EXOC6B: variants seen among roughly 807,000 people sequenced by gnomAD.
The protein encoded by EXOC6B is exocyst complex component 6B, also known as SEC15 homolog B.
A neutral mutation model predicts 113.5 loss-of-function variants in EXOC6B; 54 were observed. That is an observed-to-expected ratio of 0.48 (90% CI 0.38 to 0.60). The LOEUF (loss-of-function observed/expected upper bound fraction) is 0.60. Ranked by LOEUF, EXOC6B falls within the 20% of genes least tolerant of loss-of-function variation. The pLI is 0.00. For synonymous variants in EXOC6B, 357 were observed against 339.0 expected, an observed-to-expected ratio of 1.05 and a Z score of -0.58; for missense variants, 797 against 977.5, an observed-to-expected ratio of 0.82 and a Z score of 2.46.
intron 7 of EXOC6B, among the ~76,000 whole-genome samples, chr2:72,568,710 C>T (rs531913634): frequency 7.2e-5 from 11 of 151,778 alleles, no homozygotes; most frequent in African/African-American, 1.7e-4. Flanking sequence ...TTTTAAAAGA[C>T]GCTATTACAG....
intron 18 of EXOC6B, chr2:72,462,644 C>T (rs1339129384): frequency 6.6e-6 from 1 of 152,038 alleles, no homozygotes; most frequent in Non-Finnish European, 1.5e-5. Flanking sequence ...TTATCAGACA[C>T]TGAATCTGCT....
chr2:72,482,814 C>G (rs1337467478), intron 16 of EXOC6B, among the ~76,000 whole-genome samples: 1 of 152,166 alleles, frequency 6.6e-6, no homozygotes, highest in Non-Finnish European at 1.5e-5. Context: ...GTACCTTCTA[C>G]TCCACTAAGG....
At chr2:72,515,446 G>T in intron 8 of EXOC6B, 1 of 1,107,272 alleles carries the variant, frequency 9.0e-7, no homozygotes, top group Non-Finnish European at 1.1e-6. Flanking sequence ...CTTTCCATAA[G>T]TTATGATAAC....
intron 2 of EXOC6B, among the ~76,000 whole-genome samples, chr2:72,740,370 C>T (rs188685142): frequency 6.6e-6 from 1 of 152,216 alleles, no homozygotes; most frequent in Admixed American, 6.5e-5. Context: ...ACTTACAGAT[C>T]ATATGAGGAG....
chr2:72,341,234 A>G (rs1689017339), intron 19 of EXOC6B, among the ~76,000 whole-genome samples: 1 of 152,184 alleles, frequency 6.6e-6, no homozygotes. Flanking sequence ...TTGTGCCTAT[A>G]ATGAACAATA....
At chr2:72,474,587 AG>A (rs1373684228) in intron 17 of EXOC6B, among the ~76,000 whole-genome samples, 1 of 152,068 alleles carries the variant, frequency 6.6e-6, no homozygotes, top group African/African-American at 2.4e-5. Context: ...TAAATTCTTC[AG>A]TTCCATAATT....
intron 20 of EXOC6B, among the ~76,000 whole-genome samples, chr2:72,260,127 T>C (rs941033807): frequency 2.6e-5 from 4 of 152,102 alleles, no homozygotes; most frequent in African/African-American, 7.2e-5. Flanking sequence ...GTAGCAGTGA[T>C]TGAGCTCCCT....
intron 1 of EXOC6B, among the ~76,000 whole-genome samples, chr2:72,749,954 T>C (rs1158542553): frequency 6.6e-6 from 1 of 151,746 alleles, no homozygotes; most frequent in Non-Finnish European, 1.5e-5. Context: ...TGTAGATGTA[T>C]ATGTTATGTA....
chr2:72,537,626 C>A (rs1702373988), intron 8 of EXOC6B, among the ~76,000 whole-genome samples: 1 of 151,988 alleles, frequency 6.6e-6, no homozygotes, highest in Admixed American at 6.6e-5. Context: ...GAGTGAGACC[C>A]TTTCTCAAAA....
intron 20 of EXOC6B, chr2:72,288,916 G>T: frequency 4.5e-6 from 1 of 223,022 alleles, no homozygotes; most frequent in Non-Finnish European, 9.1e-6. Context: ...GAAAATTATT[G>T]TGAACCTCAC....
intron 10 of EXOC6B, among the ~76,000 whole-genome samples, chr2:72,514,095 T>C (rs1249697900): frequency 6.6e-6 from 1 of 152,130 alleles, no homozygotes; most frequent in Non-Finnish European, 1.5e-5. Context: ...GGTGGCAAAC[T>C]ATATAGCCTA....
intron 20 of EXOC6B, among the ~76,000 whole-genome samples, chr2:72,223,886 A>G (rs1303572410): frequency 1.3e-5 from 2 of 152,180 alleles, no homozygotes; most frequent in Non-Finnish European, 2.9e-5. Flanking sequence ...TTTCCCAGCT[A>G]GTTGGTGAAC....
Position 72,649,008 on chromosome 2 carries a change from T to G in EXOC6B, c.669+69095A>C, listed in dbSNP as rs562034981. ...ATTTAAAATTAGCCAAGCATGGTAG[T>G]GCACACCTGTAGTCCCAGCTACTCA... On this transcript the variant is annotated intron_variant, in intron 6 of 21. Transcript: ENST00000272427. Among the ~76,000 whole-genome samples, 113 of 152,218 alleles carry G rather than the reference T, an allele frequency of 7.4e-4. 1 individual carries two copies. Among genetic ancestry groups the G allele is most frequent in the African/African-American group, 2.4e-3 (100 of 41,528 alleles).
intron 17 of EXOC6B, among the ~76,000 whole-genome samples, chr2:72,475,308 T>C (rs569789031): frequency 1.3e-5 from 2 of 152,266 alleles, no homozygotes; most frequent in East Asian, 3.9e-4. Context: ...GCCAGCTTGA[T>C]GTGAATGATG....
intron 19 of EXOC6B, among the ~76,000 whole-genome samples, chr2:72,349,671 T>A (rs1183131989): frequency 6.6e-6 from 1 of 152,198 alleles, no homozygotes; most frequent in African/African-American, 2.4e-5. Context: ...TCTCCCCACC[T>A]CAGCCAAGCC....
At chr2:72,602,848 G>C (rs1421656933) in intron 6 of EXOC6B, among the ~76,000 whole-genome samples, 1 of 152,104 alleles carries the variant, frequency 6.6e-6, no homozygotes, top group East Asian at 1.9e-4. Context: ...CAGTATACTT[G>C]GATCTGAATG....
intron 6 of EXOC6B, among the ~76,000 whole-genome samples, chr2:72,624,368 G>A (rs1247999630): frequency 3.9e-5 from 6 of 151,928 alleles, no homozygotes; most frequent in Admixed American, 1.3e-4. Context: ...CAAAGTGTTG[G>A]GATTATAAGC....
At chr2:72,671,822 G>A (rs569699982) in intron 6 of EXOC6B, among the ~76,000 whole-genome samples, 43 of 127,514 alleles carry the variant, frequency 3.4e-4, no homozygotes, top group African/African-American at 1.3e-3. Flanking sequence ...AAAGAAAGAA[G>A]AGAAAAGAAA....
chr2:72,463,012 T>G lies in EXOC6B; in HGVS notation c.1980+2148A>C, dbSNP rs186519597. 1.8e-4 allele frequency: 27 copies of G among 152,204 alleles called. No homozygotes were observed. The East Asian group carries it at 3.9e-3, about 22-fold the overall frequency. 9.4% of individuals were successfully genotyped at this position (152,204 alleles called of 1,614,324 possible). On this transcript the variant is annotated intron_variant, in intron 18 of 21. Coordinates refer to ENST00000272427, the MANE Select transcript of EXOC6B (RefSeq NM_015189.3). ...TTTTAAATCAAGAATGTAGCCTGGA[T>G]GTAATAAAATGTCTTTCTAGAATAC...
Sources: gnomAD v4.1 joint callset for allele counts (sites outside exome capture counted in the v4.1 genomes callset) on GRCh38, gnomAD v4.1.1 for gene constraint, MANE v1.5 for transcripts, NCBI Gene and HGNC (gene_info 2026-07-23, HGNC 2026-07-21) for gene names.